Variants in STAC observed in about 807,000 individuals in gnomAD.
The protein encoded by STAC is SH3 and cysteine-rich domain-containing protein.
STAC carries 43 observed loss-of-function variants against 48.8 expected under a neutral mutation model. That is an observed-to-expected ratio of 0.88 (90% CI 0.69 to 1.14). The LOEUF (loss-of-function observed/expected upper bound fraction) is 1.14, where lower values mean the gene tolerates loss of function less well. STAC is among the 50% of genes most tolerant of loss of function. The pLI is 0.00. For missense variants in STAC, 497 were observed against 504.0 expected, an observed-to-expected ratio of 0.99 and a Z score of 0.13; for synonymous variants, 193 against 179.5, an observed-to-expected ratio of 1.07 and a Z score of -0.60.
rs151126296 is a variant in STAC, at chr3:36,537,029, T to C, written c.1110+8044T>C. ...GTCACTCCAGTCAGAATGGTGATTA[T>C]TAAAGAGTCAAGAAACAGCAGATGC... On this transcript the variant is annotated intron_variant, in intron 10 of 10. Transcript: ENST00000273183. Among the ~76,000 whole-genome samples, 360 of 152,222 alleles carry C rather than the reference T, an allele frequency of 2.4e-3. 1 individual carries two copies. Among genetic ancestry groups the C allele is most frequent in the African/African-American group, 8.0e-3 (331 of 41,544 alleles).
intron 5 of STAC, among the ~76,000 whole-genome samples, chr3:36,488,804 C>T (rs1364603422): frequency 6.6e-6 from 1 of 152,178 alleles, no homozygotes; most frequent in Non-Finnish European, 1.5e-5. Flanking sequence ...TTTCAGCCTA[C>T]CCTTGACAGT....
chr3:36,396,226 AT>A (rs1575172993), intron 1 of STAC, among the ~76,000 whole-genome samples: 1 of 152,290 alleles, frequency 6.6e-6, no homozygotes. Flanking sequence ...CAGAGTATAC[AT>A]GACTTAGATA....
At chr3:36,528,031 A>G (rs983233052) in intron 8 of STAC, among the ~76,000 whole-genome samples, 2 of 152,202 alleles carry the variant, frequency 1.3e-5, no homozygotes, top group Non-Finnish European at 2.9e-5. Context: ...ATACATGAAC[A>G]TATCTATGTA....
chr3:36,509,913 G>A (rs569383251), intron 8 of STAC, among the ~76,000 whole-genome samples: 1 of 152,054 alleles, frequency 6.6e-6, no homozygotes, highest in Admixed American at 6.6e-5. Context: ...AAGTCTTCAT[G>A]ACTAAAACAC....
chr3:36,487,725 G>T (rs1396684921), intron 5 of STAC, among the ~76,000 whole-genome samples: 1 of 152,178 alleles, frequency 6.6e-6, no homozygotes, highest in Non-Finnish European at 1.5e-5. Context: ...ACGTGTTAAG[G>T]ATATTATAAT....
chr3:36,408,542 A>C (rs971918810), intron 1 of STAC, among the ~76,000 whole-genome samples: 2 of 152,222 alleles, frequency 1.3e-5, no homozygotes, highest in Non-Finnish European at 2.9e-5. Flanking sequence ...TGGTTTAAGC[A>C]ATCATGGTTG....
chr3:36,439,532 G>C (rs779303117), intron 1 of STAC, among the ~76,000 whole-genome samples: 7 of 152,170 alleles, frequency 4.6e-5, no homozygotes, highest in Non-Finnish European at 8.8e-5. Flanking sequence ...TGTTTACTTT[G>C]ATAAACCTCT....
At chr3:36,527,649 G>T (rs1237194535) in intron 8 of STAC, among the ~76,000 whole-genome samples, 1 of 152,142 alleles carries the variant, frequency 6.6e-6, no homozygotes, top group Non-Finnish European at 1.5e-5. Context: ...GTTCCAGAAG[G>T]AAAGAAGAGA....
intron 5 of STAC, 51 bp downstream of exon 5, chr3:36,486,300 C>T (rs746325285): frequency 1.5e-5 from 23 of 1,531,858 alleles, no homozygotes; most frequent in East Asian, 2.3e-5. Flanking sequence ...TTGGGCAGAG[C>T]GGGCCTCAGG....
chr3:36,506,270 C>G (rs1698401477), intron 8 of STAC: 2 of 155,234 alleles, frequency 1.3e-5, no homozygotes, highest in Admixed American at 6.3e-5. Flanking sequence ...TCTGAGGCCT[C>G]TGTTCTGTAC....
At chr3:36,413,451 T>A (rs1246180209) in intron 1 of STAC, among the ~76,000 whole-genome samples, 3 of 152,232 alleles carry the variant, frequency 2.0e-5, no homozygotes, top group East Asian at 3.8e-4. Context: ...TCTCTTTTGA[T>A]CTTTGTTGGT....
At chr3:36,440,887 G>A (rs539905584) in intron 1 of STAC, among the ~76,000 whole-genome samples, 7 of 152,268 alleles carry the variant, frequency 4.6e-5, no homozygotes, top group African/African-American at 1.4e-4. Context: ...CACTTATGGA[G>A]ACCCTTATTA....
chr3:36,407,917 T>C (rs1700116624), intron 1 of STAC, among the ~76,000 whole-genome samples: 1 of 152,246 alleles, frequency 6.6e-6, no homozygotes, highest in South Asian at 2.1e-4. Flanking sequence ...TGGAGTCCTC[T>C]TCCAAGTTCA....
intron 1 of STAC, among the ~76,000 whole-genome samples, chr3:36,396,998 T>C (rs1376003421): frequency 1.3e-5 from 2 of 152,208 alleles, no homozygotes; most frequent in Non-Finnish European, 2.9e-5. Context: ...TAGTGGAAAA[T>C]AAATCACCAA....
intron 6 of STAC, among the ~76,000 whole-genome samples, chr3:36,493,994 CA>C (rs1322147947): frequency 6.7e-6 from 1 of 149,978 alleles, no homozygotes; most frequent in African/African-American, 2.4e-5. Context: ...ACTAAAAATA[CA>C]AAAAAAATTA....
At chr3:36,483,442 A>G (rs141182572) in intron 3 of STAC, among the ~76,000 whole-genome samples, 88 of 152,284 alleles carry the variant, frequency 5.8e-4, no homozygotes, top group African/African-American at 2.0e-3. Context: ...GTCCCAGGCA[A>G]ACTAATGGTT....
chr3:36,512,110 T>C (rs17035210), intron 8 of STAC, among the ~76,000 whole-genome samples: 17,028 of 152,198 alleles, frequency 0.11, 1,170 homozygotes, highest in East Asian at 0.3. Flanking sequence ...TCCTTAGATT[T>C]GTAGAGACAA....
intron 2 of STAC, among the ~76,000 whole-genome samples, chr3:36,469,867 A>G (rs1021975614): frequency 6.6e-6 from 1 of 151,944 alleles, no homozygotes; most frequent in African/African-American, 2.4e-5. Context: ...TATTGTCAAG[A>G]CTTTCCAGTG....
At chr3:36,395,644 G>C (rs1699842309) in intron 1 of STAC, among the ~76,000 whole-genome samples, 2 of 152,178 alleles carry the variant, frequency 1.3e-5, no homozygotes, top group African/African-American at 4.8e-5. Flanking sequence ...CAGAGCAAAA[G>C]GGGCTAATGT....
Sources: gnomAD v4.1 joint callset for allele counts (sites outside exome capture counted in the v4.1 genomes callset) on GRCh38, gnomAD v4.1.1 for gene constraint, MANE v1.5 for transcripts, NCBI Gene and HGNC (gene_info 2026-07-23, HGNC 2026-07-21) for gene names.